MED12L: variants seen among roughly 807,000 people sequenced by gnomAD.
The protein encoded by MED12L is mediator complex subunit 12L, also known as mediator of RNA polymerase II transcription subunit 12-like protein.
In MED12L, 60 loss-of-function variants were observed where a neutral mutation model predicts 281.3. That is an observed-to-expected ratio of 0.21 (90% CI 0.17 to 0.26). The LOEUF is 0.26. Ranked by LOEUF, MED12L falls within the 10% of genes least tolerant of loss-of-function variation. The pLI is 1.00. For synonymous variants in MED12L, 974 were observed against 987.2 expected, an observed-to-expected ratio of 0.99 and a Z score of 0.25; for missense variants, 2,146 against 2,680.9, an observed-to-expected ratio of 0.80 and a Z score of 4.41.
Position 151,411,135 on chromosome 3 carries a change from C to T in MED12L, c.5911-143C>T, listed in dbSNP as rs549904462. 1.5e-5 allele frequency: 10 copies of T among 671,830 alleles called. No homozygotes were observed. In the East Asian group the frequency reaches 1.6e-4, roughly 11 times the overall value. 41.6% of individuals were successfully genotyped at this position (671,830 alleles called of 1,614,324 possible). ...TCCCTGCATCCAGGGTAGTCCTCCT[C>T]AAATTTTGAGTTATGAGAACCTTTG... On this transcript the variant is annotated intron_variant, in intron 40 of 44. Transcript: ENST00000687756.
chr3:151,167,361 G>A (rs1321833798), intron 11 of MED12L, among the ~76,000 whole-genome samples: 1 of 152,188 alleles, frequency 6.6e-6, no homozygotes, highest in East Asian at 1.9e-4. Flanking sequence ...GGACTGCAGA[G>A]TTAAGTTTTA....
intron 16 of MED12L, among the ~76,000 whole-genome samples, chr3:151,296,632 C>T (rs1040481744): frequency 6.6e-5 from 10 of 152,072 alleles, no homozygotes; most frequent in Admixed American, 4.6e-4. Context: ...TGCCAGCCTT[C>T]TGCTTGTCCC....
intron 16 of MED12L, among the ~76,000 whole-genome samples, chr3:151,272,272 G>T (rs1741091417): frequency 6.6e-6 from 1 of 152,178 alleles, no homozygotes; most frequent in South Asian, 2.1e-4. Flanking sequence ...CTCAAATAGG[G>T]TCAAGGTTTC....
chr3:151,332,085 G>A (rs934496129), intron 16 of MED12L, among the ~76,000 whole-genome samples: 2 of 152,202 alleles, frequency 1.3e-5, no homozygotes. Flanking sequence ...TTATGCCAAT[G>A]TAAATTGAGT....
Position 151,299,356 on chromosome 3 carries a change from C to CTTTCTTTTCTTTTCTTTTATTTTCT in MED12L, c.2251-50685_2251-50684insATTTTCTTTTCTTTTCTTTTCTTTT, listed in dbSNP as rs1745558806. On this transcript the variant is annotated intron_variant, in intron 16 of 44. Coordinates refer to ENST00000687756, the MANE Select transcript of MED12L (RefSeq NM_001393769.1). Reference sequence around the variant, plus strand: ...TCCTTCTTTCTTTCCTTCCTTCCTTCTTTCTTTTCTTTTCTTTTCTTTTCT... The same window carrying CTTTCTTTTCTTTTCTTTTATTTTCT: ...TCCTTCTTTCTTTCCTTCCTTCCTTCTTTCTTTTCTTTTCTTTTATTTTCTTTTCTTTTCTTTTCTTTTCTTTTCT... Among the ~76,000 whole-genome samples, 13 of 94,352 alleles carry CTTTCTTTTCTTTTCTTTTATTTTCT rather than the reference C, an allele frequency of 1.4e-4. No homozygotes were observed. In the Admixed American group the frequency reaches 1.5e-3, roughly 11 times the overall value. 61.9% of individuals were successfully genotyped at this position (94,352 alleles called of 152,430 possible).
rs778619917 is a variant in MED12L, at chr3:151,185,344, T to C, written c.1509T>C (p.Asp503=). ...NKDNQEVAPN[D]EAVVTLLCEW... Reference sequence around the variant, plus strand: ...TTGGTCATTAGGTTGCGCCCAACGATGAAGCTGTGGTGACGCTGTTATGTG... The same window carrying C: ...TTGGTCATTAGGTTGCGCCCAACGACGAAGCTGTGGTGACGCTGTTATGTG... Residue 503 remains aspartate (D), a synonymous_variant, in exon 12 of 45, where the codon GAT becomes GAC. Coordinates refer to ENST00000687756, the MANE Select transcript of MED12L (RefSeq NM_001393769.1). 2 of 1,613,756 alleles carry C rather than the reference T, an allele frequency of 1.2e-6. No individual in the cohort carries two copies. Among genetic ancestry groups the C allele is most frequent in the Non-Finnish European group, 1.7e-6 (2 of 1,179,862 alleles).
intron 16 of MED12L, among the ~76,000 whole-genome samples, chr3:151,245,183 C>T (rs1735135523): frequency 6.6e-6 from 1 of 152,096 alleles, no homozygotes; most frequent in Non-Finnish European, 1.5e-5. Flanking sequence ...TGAATTCTAC[C>T]AGAGGTATAA....
At chr3:151,097,942 T>G (rs1720930813) in intron 2 of MED12L, among the ~76,000 whole-genome samples, 1 of 152,190 alleles carries the variant, frequency 6.6e-6, no homozygotes, top group Non-Finnish European at 1.5e-5. Context: ...GATTTTTGAA[T>G]CTGGAACTTG....
At chr3:151,372,865 T>A in intron 27 of MED12L, 99 bp downstream of exon 27, 3 of 824,166 alleles carry the variant, frequency 3.6e-6, no homozygotes, top group Non-Finnish European at 5.6e-6. Flanking sequence ...GTGGGCCTTT[T>A]TTTCTTGCTC....
intron 25 of MED12L, among the ~76,000 whole-genome samples, chr3:151,368,760 A>ATTTTTTTTTT (rs201834162): frequency 1.2e-5 from 1 of 80,314 alleles, no homozygotes; most frequent in Non-Finnish European, 2.6e-5. Context: ...ATGTCATTTC[A>ATTTTTTTTTT]TTTTTTTTTT....
At chr3:151,285,166 A>G (rs753607369) in intron 16 of MED12L, among the ~76,000 whole-genome samples, 1 of 152,174 alleles carries the variant, frequency 6.6e-6, no homozygotes, top group Non-Finnish European at 1.5e-5. Context: ...GAGCTTAGCT[A>G]TGAGGATACA....
At chr3:151,246,055 A>C (rs1421330864) in intron 16 of MED12L, among the ~76,000 whole-genome samples, 1 of 151,512 alleles carries the variant, frequency 6.6e-6, no homozygotes, top group Non-Finnish European at 1.5e-5. Flanking sequence ...TAGGAATCCA[A>C]CTTACAAGGG....
intron 16 of MED12L, among the ~76,000 whole-genome samples, chr3:151,346,027 G>A (rs766368321): frequency 2.6e-5 from 4 of 152,156 alleles, no homozygotes; most frequent in South Asian, 4.1e-4. Context: ...AGCTCACTAC[G>A]TGCTGCTTTT....
intron 2 of MED12L, among the ~76,000 whole-genome samples, chr3:151,110,152 A>T (rs1711644807): frequency 6.6e-6 from 1 of 152,194 alleles, no homozygotes; most frequent in South Asian, 2.1e-4. Context: ...TGTCCCTTAA[A>T]CATTCTGGCT....
intron 16 of MED12L, among the ~76,000 whole-genome samples, chr3:151,230,490 A>G (rs1217072013): frequency 6.6e-6 from 1 of 151,926 alleles, no homozygotes; most frequent in Non-Finnish European, 1.5e-5. Context: ...CTTTCTCGTT[A>G]TACTATACAC....
chr3:151,089,670 G>A (rs866908932), intron 2 of MED12L, among the ~76,000 whole-genome samples: 1 of 135,896 alleles, frequency 7.4e-6, no homozygotes, highest in African/African-American at 2.7e-5. Context: ...ATGTGGAGAA[G>A]TATGGGGGTG....
intron 2 of MED12L, among the ~76,000 whole-genome samples, chr3:151,095,409 C>T (rs1373669095): frequency 1.3e-5 from 2 of 152,212 alleles, no homozygotes; most frequent in South Asian, 2.1e-4. Context: ...ACCATCTTGG[C>T]TCACTGCAAC....
At position 151,127,984 on chromosome 3, in the gene MED12L, G is replaced by A; in HGVS notation, c.556G>A (p.Glu186Lys). 1.2e-6 allele frequency: 2 copies of A among 1,610,672 alleles called. No homozygotes were observed. Among genetic ancestry groups the A allele is most frequent in the Non-Finnish European group, 1.7e-6 (2 of 1,178,584 alleles). Residue 186 changes from glutamate to lysine, a missense_variant and splice_region_variant, in exon 5 of 45, where the codon GAG (glutamate) becomes AAG (lysine). By Grantham distance (56) the Glu-to-Lys change is moderately conservative. Coordinates refer to ENST00000687756, the MANE Select transcript of MED12L (RefSeq NM_001393769.1). Reference sequence around the variant, plus strand: ...ACGTCAGGCTCCTGATCCGAATTTGGGTAAGTGAGAGAATACAATACACCT... The same window carrying A: ...ACGTCAGGCTCCTGATCCGAATTTGAGTAAGTGAGAGAATACAATACACCT... ...KKRQAPDPNL[E>K]WTQISTRYLR...
At chr3:151,222,414 T>C (rs185331155) in intron 16 of MED12L, among the ~76,000 whole-genome samples, 1 of 152,296 alleles carries the variant, frequency 6.6e-6, no homozygotes, top group East Asian at 1.9e-4. Context: ...CCAAATCTCA[T>C]CTTGTGGCTC....
Sources: gnomAD v4.1 joint callset for allele counts (sites outside exome capture counted in the v4.1 genomes callset) on GRCh38, gnomAD v4.1.1 for gene constraint, MANE v1.5 for transcripts, NCBI Gene and HGNC (gene_info 2026-07-23, HGNC 2026-07-21) for gene names.